The following PI4K2B variants were observed in gnomAD, a reference collection of about 807,000 sequenced individuals.
The protein encoded by PI4K2B is phosphatidylinositol 4-kinase type 2-beta.
In PI4K2B, 46 loss-of-function variants were observed where a neutral mutation model predicts 56.6. The ratio of observed to expected loss-of-function variants is 0.81; its 90% CI spans 0.64 to 1.04. The LOEUF (loss-of-function observed/expected upper bound fraction) is 1.04. Among genes scored for constraint, PI4K2B ranks in the 50% least tolerant of loss-of-function variants. The pLI is 0.00. For missense variants in PI4K2B, 556 were observed against 607.7 expected, an observed-to-expected ratio of 0.91 and a Z score of 0.89; for synonymous variants, 211 against 223.8, an observed-to-expected ratio of 0.94 and a Z score of 0.51.
intron 1 of PI4K2B, among the ~76,000 whole-genome samples, chr4:25,238,311 C>G (rs1024119279): frequency 1.3e-5 from 2 of 152,182 alleles, no homozygotes; most frequent in African/African-American, 4.8e-5. Context: ...CTGTCACAGT[C>G]TCTTGGTGAA....
At position 25,259,199 on chromosome 4, in the gene PI4K2B, G is replaced by A. The variant is rs758876213; in HGVS notation, c.910+9G>A. On this transcript the variant is annotated intron_variant, in intron 5 of 9. Coordinates refer to ENST00000264864, the MANE Select transcript of PI4K2B (RefSeq NM_018323.4). ...CATCATCAGAAATACAGGTATTGAA[G>A]TTCTCTCATTTGTTCACGTAAATCT... 5.6e-5 allele frequency: 84 copies of A among 1,494,326 alleles called. No homozygotes were observed. The highest frequency in any genetic ancestry group is 7.4e-5 in the Non-Finnish European group (80 of 1,084,176). 92.6% of individuals were successfully genotyped at this position (1,494,326 alleles called of 1,614,324 possible).
At chr4:25,270,275 T>A (rs1417105573) in intron 9 of PI4K2B, among the ~76,000 whole-genome samples, 2 of 152,178 alleles carry the variant, frequency 1.3e-5, no homozygotes, top group Non-Finnish European at 2.9e-5. Flanking sequence ...AATTGTGACA[T>A]GAAAAAACTA....
At chr4:25,246,724 G>C (rs966023364) in intron 1 of PI4K2B, among the ~76,000 whole-genome samples, 1 of 152,368 alleles carries the variant, frequency 6.6e-6, no homozygotes, top group African/African-American at 2.4e-5. Context: ...ACGGCGGCGG[G>C]GGGAGGCTCA....
rs532347458 is a variant in PI4K2B, at chr4:25,273,479, T to TGG, written c.1273-3535_1273-3534insGG. ...TTAGTACCTCCTGGTACTTGACCCC[T>TGG]TACTGGACACTTTAATGATGCTTAT... On this transcript the variant is annotated intron_variant, in intron 9 of 9. Coordinates refer to ENST00000264864, the MANE Select transcript of PI4K2B (RefSeq NM_018323.4). 3.5e-4 allele frequency among the ~76,000 whole-genome samples: 54 copies of TGG among 152,312 alleles called. No individual in the cohort carries two copies. In the East Asian group the frequency reaches 0.01, roughly 29 times the overall value.
chr4:25,252,249 A>G lies in PI4K2B; in HGVS notation c.269-72A>G, dbSNP rs79975050. The G allele has an allele frequency of 2.8e-3, 3,112 of 1,115,182 alleles. 82 individuals carry two copies. The African/African-American group carries it at 0.042, about 15-fold the overall frequency. 69.1% of individuals were successfully genotyped at this position (1,115,182 alleles called of 1,614,324 possible). On this transcript the variant is annotated intron_variant, in intron 1 of 9. Transcript: ENST00000264864. Reference sequence around the variant, plus strand: ...ATTTTTCTGTACCTTATATCCTGATACCGGCAAGCTAATCGATATTACAGG... The same window carrying G: ...ATTTTTCTGTACCTTATATCCTGATGCCGGCAAGCTAATCGATATTACAGG...
In PI4K2B at chr4:25,278,139, T is replaced by C. The variant is rs2109029561; in HGVS notation, c.*952T>C. 1 of 152,336 alleles carries C rather than the reference T, an allele frequency of 6.6e-6. No individual in the cohort carries two copies. The highest frequency in any genetic ancestry group is 2.4e-5 in the African/African-American group (1 of 41,578). The allele number at this position is 152,336 out of a possible 1,614,324, so 9.4% of individuals were successfully genotyped here. A position where few individuals can be genotyped will look rare whatever the true frequency, so the allele number is the denominator to read the frequency against. ...ATTGTACTTGAAATTACAGATGTTA[T>C]TATAATTACAGTCAAATGTAGACTA... On this transcript the variant is annotated 3_prime_UTR_variant, in exon 10 of 10. Coordinates refer to ENST00000264864, the MANE Select transcript of PI4K2B (RefSeq NM_018323.4).
intron 1 of PI4K2B, among the ~76,000 whole-genome samples, chr4:25,239,886 G>A (rs112076608): frequency 0.012 from 1,848 of 152,332 alleles, 53 homozygotes; most frequent in African/African-American, 0.042. Flanking sequence ...GGGCAATGAA[G>A]TGGCCCTGCA....
chr4:25,258,991 C>CT (rs770127873), intron 4 of PI4K2B, 46 bp from the exon 5 acceptor site: 1 of 990,746 alleles, frequency 1.0e-6, no homozygotes, highest in Admixed American at 2.4e-5. Context: ...TATTAATCCC[C>CT]TTGTTCTTGT....
chr4:25,241,324 C>T (rs1031773674), intron 1 of PI4K2B, among the ~76,000 whole-genome samples: 1 of 152,212 alleles, frequency 6.6e-6, no homozygotes, highest in Non-Finnish European at 1.5e-5. Flanking sequence ...TATGGTGTAA[C>T]CTGCCCTTCG....
chr4:25,240,926 TC>T (rs1715490977), intron 1 of PI4K2B, among the ~76,000 whole-genome samples: 1 of 152,128 alleles, frequency 6.6e-6, no homozygotes, highest in Non-Finnish European at 1.5e-5. Context: ...TCTGTCTCTT[TC>T]TTTGACTTCC....
intron 2 of PI4K2B, among the ~76,000 whole-genome samples, chr4:25,254,038 G>C (rs1716162918): frequency 1.3e-5 from 2 of 152,210 alleles, no homozygotes; most frequent in African/African-American, 4.8e-5. Context: ...GGGATTACAG[G>C]TGTGAGCCAC....
At chr4:25,260,869 ATTTT>A (rs60224286) in intron 6 of PI4K2B, among the ~76,000 whole-genome samples, 4 of 105,498 alleles carry the variant, frequency 3.8e-5, no homozygotes, top group Admixed American at 1.0e-4. Context: ...TTGATTCTTG[ATTTT>A]TTTTTTTTTT....
At chr4:25,270,844 A>G (rs1716860905) in intron 9 of PI4K2B, among the ~76,000 whole-genome samples, 1 of 152,224 alleles carries the variant, frequency 6.6e-6, no homozygotes, top group East Asian at 1.9e-4. Context: ...TTAGCGTCTT[A>G]TAAATTAACA....
At chr4:25,257,801 C>T (rs1716311092) in intron 4 of PI4K2B, among the ~76,000 whole-genome samples, 1 of 152,120 alleles carries the variant, frequency 6.6e-6, no homozygotes, top group East Asian at 1.9e-4. Flanking sequence ...CTTAGACATG[C>T]TGAAATAAGT....
intron 7 of PI4K2B, 146 bp downstream of exon 7, chr4:25,263,995 A>C: frequency 2.0e-6 from 1 of 490,842 alleles, no homozygotes; most frequent in East Asian, 3.1e-5. Flanking sequence ...TTAGGGATGC[A>C]AATGTATACT....
rs1278102356 is a variant in PI4K2B at position 25,255,213 on chromosome 4, G to C, written c.572G>C (p.Gly191Ala). 6.2e-7 allele frequency: 1 copy of C among 1,614,124 alleles called. No individual in the cohort carries two copies. The highest frequency in any genetic ancestry group is 1.1e-5 in the South Asian group (1 of 91,078). ...AATCAGGGGTACCTTTCCGAAGCGG[G>C]TGCCTATCTTGTGGACAACAAGCTT... The part of the protein sequence containing the change: ...IPNQGYLSEA[G>A]AYLVDNKLHL... The change falls in exon 3 of 10, where the codon GGT becomes GCT. Residue 191 changes from glycine (G) to alanine (A), a missense_variant. Physicochemically the swap from Gly to Ala is moderately conservative, Grantham distance 60. Transcript: ENST00000264864.
chr4:25,241,308 A>C (rs1457303858), intron 1 of PI4K2B, among the ~76,000 whole-genome samples: 1 of 152,208 alleles, frequency 6.6e-6, no homozygotes, highest in African/African-American at 2.4e-5. Context: ...TGGTTACATC[A>C]CTAACTATGG....
rs1480968619 is a variant in PI4K2B at position 25,247,749 on chromosome 4, G to T, written c.269-4572G>T. On this transcript the variant is annotated intron_variant, in intron 1 of 9. Coordinates refer to ENST00000264864, the MANE Select transcript of PI4K2B (RefSeq NM_018323.4). ...AGACAGGGTCTTATTCTGACACTCA[G>T]GCTGAGTGCAGTGGCATGATCACGG... Among the ~76,000 whole-genome samples, 3 of 152,222 alleles carry T rather than the reference G, an allele frequency of 2.0e-5. No homozygotes were observed. In the East Asian group the frequency reaches 5.8e-4, roughly 29 times the overall value.
chr4:25,252,016 G>A (rs564110745), intron 1 of PI4K2B, among the ~76,000 whole-genome samples: 2 of 152,112 alleles, frequency 1.3e-5, no homozygotes, highest in Non-Finnish European at 2.9e-5. Flanking sequence ...GTAGACACGG[G>A]GTTTTGCCAT....
Sources: allele counts gnomAD v4.1 joint callset (sites outside exome capture counted in the v4.1 genomes callset), GRCh38; gene constraint gnomAD v4.1.1; transcripts MANE v1.5; gene names NCBI Gene and HGNC (gene_info 2026-07-23, HGNC 2026-07-21).